The following IRGM variants were observed in gnomAD, a reference collection of about 807,000 sequenced individuals.
The protein encoded by IRGM is immunity related GTPase M.
For missense variants in IRGM, 288 were observed against 219.9 expected (o/e 1.31, Z -1.96); for synonymous variants, 98 against 80.6 (o/e 1.22, Z -1.16).
intron 3 of IRGM, among the ~76,000 whole-genome samples, chr5:150,881,692 CTACACAA>C (rs1754447878): frequency 6.6e-6 from 1 of 151,880 alleles, no homozygotes. Context: ...AATTTAAGGA[CTACACAA>C]TACAAAAAGA....
intron 3 of IRGM, among the ~76,000 whole-genome samples, chr5:150,883,047 A>G (rs971637136): frequency 6.6e-6 from 1 of 152,160 alleles, no homozygotes; most frequent in Non-Finnish European, 1.5e-5. Flanking sequence ...GAAACTAGAA[A>G]TCAATAACAG....
chr5:150,895,592 G>A (rs780947147), intron 3 of IRGM: 5 of 1,613,484 alleles, frequency 3.1e-6, no homozygotes, highest in African/African-American at 2.7e-5. Context: ...CAGCACATAT[G>A]TAAGGTTTCT....
chr5:150,856,456 A>C (rs1025196843), intron 1 of IRGM, among the ~76,000 whole-genome samples: 2 of 151,668 alleles, frequency 1.3e-5, no homozygotes, highest in Admixed American at 1.3e-4. Flanking sequence ...AATAAAAATT[A>C]TAAAATAAAA....
chr5:150,877,235 G>A (rs192445399), intron 1 of IRGM, among the ~76,000 whole-genome samples: 3 of 152,114 alleles, frequency 2.0e-5, no homozygotes, highest in Non-Finnish European at 2.9e-5. Flanking sequence ...TGTCTGTGAC[G>A]GTGTTGTCAA....
chr5:150,856,573 A>G (rs1754053065), intron 1 of IRGM, among the ~76,000 whole-genome samples: 1 of 151,986 alleles, frequency 6.6e-6, no homozygotes, highest in Non-Finnish European at 1.5e-5. Context: ...TTTTTTCAAT[A>G]TCTACCAATT....
In IRGM at chr5:150,865,764, C is replaced by CT. The variant is rs200464256; in HGVS notation, c.159-12206dup. On this transcript the variant is annotated intron_variant and NMD_transcript_variant, in intron 1 of 3. Transcript: ENST00000520549. ...TATTCTTCATTATCAGAAAAGATGA[C>CT]TTTTTTTTTTGAGACGGAGTCTTAC... 6.5e-3 allele frequency among the ~76,000 whole-genome samples: 973 copies of CT among 149,662 alleles called. 8 individuals are homozygous for CT. The highest frequency in any genetic ancestry group is 0.022 in the African/African-American group (879 of 40,814).
At chr5:150,889,137 C>T (rs1754569217) in intron 3 of IRGM, among the ~76,000 whole-genome samples, 1 of 150,222 alleles carries the variant, frequency 6.7e-6, no homozygotes, top group South Asian at 2.1e-4. Flanking sequence ...TATTTTTTTT[C>T]AAGATTTAAA....
rs1224777994 is a variant in IRGM at position 150,847,928 on chromosome 5, G to C, written c.-196G>C. The C allele has an allele frequency of 6.3e-5, 35 of 556,716 alleles. No homozygotes were observed. Among genetic ancestry groups the C allele is most frequent in the Non-Finnish European group, 1.6e-5 (5 of 312,100 alleles). The allele number at this position is 556,716 out of a possible 1,614,324, so 34.5% of individuals were successfully genotyped here. On this transcript the variant is annotated 5_prime_UTR_variant, in exon 2 of 2. Coordinates refer to ENST00000522154, the MANE Select transcript of IRGM (RefSeq NM_001145805.2). ...AGCGATTCCCCTGCCTCAGCCTCCTGTATTAGCTGGGACTACAGGCGCACA... is the reference window on the plus strand; with the variant it reads ...AGCGATTCCCCTGCCTCAGCCTCCTCTATTAGCTGGGACTACAGGCGCACA...
intron 1 of IRGM, among the ~76,000 whole-genome samples, chr5:150,862,916 C>A (rs1317883840): frequency 6.6e-6 from 1 of 152,054 alleles, no homozygotes; most frequent in African/African-American, 2.4e-5. Flanking sequence ...TACTGCTGCC[C>A]ATTGGCAGGG....
At chr5:150,854,398 G>A (rs1202015591) in intron 1 of IRGM, among the ~76,000 whole-genome samples, 1 of 151,798 alleles carries the variant, frequency 6.6e-6, no homozygotes, top group East Asian at 1.9e-4. Context: ...TGCCTTTACC[G>A]GAGATCTTTA....
intron 1 of IRGM, among the ~76,000 whole-genome samples, chr5:150,864,953 G>C (rs1479484414): frequency 6.6e-6 from 1 of 152,204 alleles, no homozygotes; most frequent in African/African-American, 2.4e-5. Flanking sequence ...CAGGACCAGA[G>C]TTATAAGGAG....
chr5:150,860,444 C>T (rs1754120253), intron 1 of IRGM, among the ~76,000 whole-genome samples: 2 of 152,200 alleles, frequency 1.3e-5, no homozygotes, highest in Non-Finnish European at 2.9e-5. Flanking sequence ...CAAAACTGGA[C>T]ATTCTGAACT....
chr5:150,852,509 A>G (rs1419308152), downstream of IRGM, among the ~76,000 whole-genome samples: 1 of 152,122 alleles, frequency 6.6e-6, no homozygotes, highest in Non-Finnish European at 1.5e-5. Context: ...ATCATCTCTT[A>G]ATTGAGCTGT....
intron 3 of IRGM, among the ~76,000 whole-genome samples, chr5:150,899,545 T>C (rs1754920916): frequency 2.0e-5 from 3 of 152,016 alleles, no homozygotes; most frequent in Admixed American, 2.0e-4. Flanking sequence ...CTTTCTTATA[T>C]ACATACAATA....
At chr5:150,896,996 T>A in intron 3 of IRGM, 1 of 1,566,914 alleles carries the variant, frequency 6.4e-7, no homozygotes, top group Non-Finnish European at 8.7e-7. Flanking sequence ...AAGATACAAT[T>A]TAAGAGTCAT....
chr5:150,896,637 G>A lies in IRGM; in HGVS notation c.*141-3952G>A, dbSNP rs148747180. 4.2e-5 allele frequency: 67 copies of A among 1,613,366 alleles called. No homozygotes were observed. The highest frequency in any genetic ancestry group is 5.0e-5 in the Admixed American group (3 of 59,850). On this transcript the variant is annotated intron_variant and NMD_transcript_variant, in intron 3 of 3. Transcript: ENST00000520549. ...TCTTGAATTGCTCTTATAACAACTC[G>A]GTAGGTCAATATTTGGTTTTAAGTT...
chr5:150,858,735 A>T (rs1484710467), intron 1 of IRGM, among the ~76,000 whole-genome samples: 1 of 151,956 alleles, frequency 6.6e-6, no homozygotes, highest in Non-Finnish European at 1.5e-5. Context: ...TTTGTCTGTT[A>T]TTGGTGTATA....
chr5:150,884,113 T>C (rs1754482591), intron 3 of IRGM, among the ~76,000 whole-genome samples: 1 of 152,006 alleles, frequency 6.6e-6, no homozygotes, highest in South Asian at 2.1e-4. Flanking sequence ...TATAATGTGA[T>C]ATATCACATT....
At chr5:150,891,405 T>TTTAGA (rs1429790022) in intron 3 of IRGM, among the ~76,000 whole-genome samples, 1 of 152,152 alleles carries the variant, frequency 6.6e-6, no homozygotes, top group Non-Finnish European at 1.5e-5. Context: ...AATTGGTGTC[T>TTTAGA]TTAGATCATT....
Sources: gnomAD v4.1 joint callset for allele counts (sites outside exome capture counted in the v4.1 genomes callset) on GRCh38, gnomAD v4.1.1 for gene constraint, MANE v1.5 for transcripts, NCBI Gene and HGNC (gene_info 2026-07-23, HGNC 2026-07-21) for gene names.